Variants in CNTLN observed in about 807,000 individuals in gnomAD.
CNTLN encodes the protein centlein, centrosomal protein.
A neutral mutation model predicts 180.0 loss-of-function variants in CNTLN; 212 were observed. That is an observed-to-expected ratio of 1.18 (90% CI 1.05 to 1.32). The LOEUF is 1.32. CNTLN is among the 40% of genes most tolerant of loss of function. CNTLN has a pLI of 0.00. For synonymous variants in CNTLN, 722 were observed against 563.1 expected (o/e 1.28, Z -3.99); for missense variants, 2,095 against 1,610.9 (o/e 1.30, Z -5.14).
intron 3 of CNTLN, among the ~76,000 whole-genome samples, chr9:17,235,306 A>G (rs557732406): frequency 6.6e-6 from 1 of 152,332 alleles, no homozygotes; most frequent in African/African-American, 2.4e-5. Flanking sequence ...CATTCAAATA[A>G]AAGAATAAGG....
chr9:17,310,250 G>T (rs951898367), intron 8 of CNTLN, among the ~76,000 whole-genome samples: 1 of 151,872 alleles, frequency 6.6e-6, no homozygotes, highest in Non-Finnish European at 1.5e-5. Flanking sequence ...TTATCATTTT[G>T]ATTTTTTTAA....
chr9:17,290,956 A>T (rs1391357704), intron 6 of CNTLN, among the ~76,000 whole-genome samples: 3 of 152,040 alleles, frequency 2.0e-5, no homozygotes, highest in Non-Finnish European at 2.9e-5. Context: ...GAAATGCAGA[A>T]ATCACCCGTC....
rs1043998445 is a variant in CNTLN, at chr9:17,243,311, A to G, written c.849+6723A>G. Among the ~76,000 whole-genome samples the G allele has an allele frequency of 6.6e-5, 10 of 152,070 alleles. 1 individual carries two copies. The highest frequency in any genetic ancestry group is 2.2e-4 in the African/African-American group (9 of 41,506). Reference sequence around the variant, plus strand: ...TTGTTCTTTTGTATTGTGTATTTCAATTTCATTGATTTCTGCTCTGATCTT... The same window carrying G: ...TTGTTCTTTTGTATTGTGTATTTCAGTTTCATTGATTTCTGCTCTGATCTT... On this transcript the variant is annotated intron_variant, in intron 5 of 25. Coordinates refer to ENST00000380647, the MANE Select transcript of CNTLN (RefSeq NM_017738.4).
intron 18 of CNTLN, among the ~76,000 whole-genome samples, chr9:17,442,647 CCTTGGCCT>C (rs764631645): frequency 4.6e-5 from 7 of 152,322 alleles, no homozygotes; most frequent in Non-Finnish European, 1.0e-4. Context: ...GATTCACTCG[CCTTGGCCT>C]CTTAAAGTGC....
intron 12 of CNTLN, among the ~76,000 whole-genome samples, chr9:17,354,421 G>A (rs1822645537): frequency 6.6e-6 from 1 of 152,192 alleles, no homozygotes; most frequent in South Asian, 2.1e-4. Context: ...GGGCCTTGGA[G>A]GACCTTTATG....
intron 7 of CNTLN, among the ~76,000 whole-genome samples, chr9:17,304,969 T>C (rs1184382062): frequency 6.6e-6 from 1 of 152,168 alleles, no homozygotes; most frequent in African/African-American, 2.4e-5. Flanking sequence ...AATGCTGTAG[T>C]ATATTTACTA....
chr9:17,297,368 G>C (rs77877446), intron 6 of CNTLN, among the ~76,000 whole-genome samples: 1,892 of 152,156 alleles, frequency 0.012, 34 homozygotes, highest in African/African-American at 0.035. Context: ...GATAATAAGA[G>C]ACTACTGTTT....
At chr9:17,274,012 A>G (rs984135303) in intron 6 of CNTLN, 146 bp downstream of exon 6, 3 of 640,888 alleles carry the variant, frequency 4.7e-6, no homozygotes, top group African/African-American at 3.9e-5. Flanking sequence ...ATCTGGAGTT[A>G]TTTACACTAA....
Position 17,409,341 on chromosome 9 carries a change from A to T in CNTLN, c.2664A>T (p.Val888=). The T allele has an allele frequency of 1.2e-6, 2 of 1,613,442 alleles. No individual in the cohort carries two copies. The highest frequency in any genetic ancestry group is 1.1e-5 in the South Asian group (1 of 90,984). Residue 888 remains valine, a synonymous_variant, in exon 16 of 26, where the codon GTA becomes GTT. Coordinates refer to ENST00000380647, the MANE Select transcript of CNTLN (RefSeq NM_017738.4). ...QTSQTLGTII[V]ETSQKISPTE... The stretch of plus-strand genomic sequence containing the variant: ...CTCAAACTTTGGGAACAATTATTGT[A>T]GAAACATCCCAGAAAATAAGTCCTA...
At chr9:17,213,594 C>G (rs1032962721) in intron 2 of CNTLN, among the ~76,000 whole-genome samples, 10 of 152,112 alleles carry the variant, frequency 6.6e-5, no homozygotes, top group African/African-American at 2.4e-4. Context: ...GAGCTGAGTT[C>G]AATTCCTGGA....
intron 2 of CNTLN, among the ~76,000 whole-genome samples, chr9:17,178,420 A>G (rs1279008642): frequency 6.6e-6 from 1 of 152,118 alleles, no homozygotes; most frequent in African/African-American, 2.4e-5. Context: ...CGCACTCCTC[A>G]GCCCTTGGGC....
At chr9:17,348,225 T>G (rs190286718) in intron 12 of CNTLN, among the ~76,000 whole-genome samples, 1 of 151,444 alleles carries the variant, frequency 6.6e-6, no homozygotes, top group Non-Finnish European at 1.5e-5. Flanking sequence ...TACGTTAAAA[T>G]TGCAAAAGCT....
At chr9:17,285,201 G>A (rs1188297149) in intron 6 of CNTLN, among the ~76,000 whole-genome samples, 17 of 128,256 alleles carry the variant, frequency 1.3e-4, no homozygotes, top group Admixed American at 7.1e-4. Flanking sequence ...TCCCCTTCCT[G>A]TGTCCATGTG....
intron 2 of CNTLN, among the ~76,000 whole-genome samples, chr9:17,189,840 C>G (rs1821682950): frequency 6.6e-6 from 1 of 151,960 alleles, no homozygotes; most frequent in Admixed American, 6.6e-5. Flanking sequence ...TTGAATATTA[C>G]GAGGTCTTTT....
intron 18 of CNTLN, among the ~76,000 whole-genome samples, chr9:17,417,222 C>A (rs1001905732): frequency 6.6e-6 from 1 of 152,070 alleles, no homozygotes; most frequent in Admixed American, 6.6e-5. Context: ...TGTATAGGAA[C>A]CACATTTCCC....
chr9:17,474,829 C>A (rs1333400796), intron 23 of CNTLN, among the ~76,000 whole-genome samples: 1 of 150,846 alleles, frequency 6.6e-6, no homozygotes, highest in Non-Finnish European at 1.5e-5. Flanking sequence ...GATCGCGCCA[C>A]TGCACTCTAG....
intron 23 of CNTLN, among the ~76,000 whole-genome samples, chr9:17,483,386 C>G (rs767121560): frequency 2.6e-5 from 4 of 152,072 alleles, no homozygotes; most frequent in Non-Finnish European, 5.9e-5. Context: ...GGATGGAGAA[C>G]AGGGATAGAA....
intron 2 of CNTLN, among the ~76,000 whole-genome samples, chr9:17,216,160 G>T (rs1823738997): frequency 1.3e-5 from 2 of 152,158 alleles, no homozygotes; most frequent in East Asian, 3.9e-4. Flanking sequence ...TGGAGCTGTA[G>T]ACTGGAGCTG....
At chr9:17,220,265 T>G (rs1342704494) in intron 2 of CNTLN, among the ~76,000 whole-genome samples, 1 of 152,096 alleles carries the variant, frequency 6.6e-6, no homozygotes, top group African/African-American at 2.4e-5. Context: ...GAAGCTGTAA[T>G]AATGCTTTTG....
Sources: gnomAD v4.1 joint callset for allele counts (sites outside exome capture counted in the v4.1 genomes callset) on GRCh38, gnomAD v4.1.1 for gene constraint, MANE v1.5 for transcripts, NCBI Gene and HGNC (gene_info 2026-07-23, HGNC 2026-07-21) for gene names.